Variants in ZSCAN18 observed in about 807,000 individuals in gnomAD.
The protein encoded by ZSCAN18 is zinc finger and SCAN domain containing 18, also known as zinc finger and SCAN domain-containing protein 18.
In ZSCAN18, 16 loss-of-function variants were observed where a neutral mutation model predicts 31.1. The ratio of observed to expected loss-of-function variants is 0.51; its 90% CI spans 0.35 to 0.78. The LOEUF (loss-of-function observed/expected upper bound fraction) is 0.78. Ranked by LOEUF, ZSCAN18 falls within the 30% of genes least tolerant of loss-of-function variation. ZSCAN18 has a pLI of 0.01. For missense variants in ZSCAN18, 731 were observed against 697.4 expected (o/e 1.05, Z -0.54); for synonymous variants, 375 against 320.7 (o/e 1.17, Z -1.81).
chr19:58,086,973 C>T lies in ZSCAN18; in HGVS notation c.678G>A (p.Leu226=). Residue 226 remains leucine (L), a synonymous_variant, in exon 5 of 7, where the codon CTG becomes CTA. Coordinates refer to ENST00000601144, the MANE Select transcript of ZSCAN18 (RefSeq NM_001145543.2). ...LKSFPEDPQH[L]GEWGHLDPAE... ...CAGGGTCCAGGTGGCCCCACTCCCC[C>T]AGGTGCTGAGGGTCCTCTGGAAAGG... The T allele has an allele frequency of 6.2e-7, 1 of 1,613,980 alleles. No homozygotes were observed. The highest frequency in any genetic ancestry group is 8.5e-7 in the Non-Finnish European group (1 of 1,179,986).
intron 1 of ZSCAN18, among the ~76,000 whole-genome samples, chr19:58,111,356 AT>A (rs1321360956): frequency 2.0e-5 from 3 of 151,788 alleles, no homozygotes; most frequent in Non-Finnish European, 4.4e-5. Context: ...CCCGAAAAAA[AT>A]TTTTTTTAAG....
chr19:58,095,444 C>T (rs1246556781), intron 1 of ZSCAN18, among the ~76,000 whole-genome samples: 1 of 152,282 alleles, frequency 6.6e-6, no homozygotes, highest in East Asian at 1.9e-4. Flanking sequence ...TGCAAAGTGA[C>T]GCTGCCACTC....
upstream of ZSCAN18, among the ~76,000 whole-genome samples, chr19:58,102,461 AAAACAAAC>A (rs75475027): frequency 5.0e-4 from 73 of 147,102 alleles, no homozygotes; most frequent in South Asian, 1.9e-3. Flanking sequence ...ACTCCATCTC[AAAACAAAC>A]AAACAAACAA....
intron 1 of ZSCAN18, among the ~76,000 whole-genome samples, chr19:58,094,373 T>C (rs184778880): frequency 0.018 from 2,735 of 150,254 alleles, 83 homozygotes; most frequent in African/African-American, 0.063. Flanking sequence ...ATCGCGCCAC[T>C]GCACTCCAGC....
At chr19:58,108,290 G>A in intron 1 of ZSCAN18, 1 of 985,460 alleles carries the variant, frequency 1.0e-6, no homozygotes, top group Non-Finnish European at 1.2e-6. Context: ...TTCTCAGATG[G>A]ACAATAAGGT....
rs962016439 is a variant in ZSCAN18, at chr19:58,118,293, G to A, written c.104C>T (p.Pro35Leu). 6.0e-6 allele frequency: 9 copies of A among 1,505,522 alleles called. No homozygotes were observed. The African/African-American group carries it at 8.6e-5, about 14-fold the overall frequency. 93.3% of individuals were successfully genotyped at this position (1,505,522 alleles called of 1,614,324 possible). ...CTCACTAGGCCTTGGCTCCGCGACC[G>A]GTGGGCGGGAACGGAGGAAACAGAC... is the stretch of plus-strand genomic sequence containing the variant. The change falls in exon 1 of 2, where the codon CCG becomes CTG. Residue 35 changes from proline (P) to leucine (L), a missense_variant. Coordinates refer to the ZSCAN18 transcript ENST00000595721.
At chr19:58,108,125 A>G (rs1406016776) in intron 1 of ZSCAN18, 7 of 987,910 alleles carry the variant, frequency 7.1e-6, no homozygotes, top group Admixed American at 6.1e-5. Context: ...TTTTGATGCA[A>G]AAGAGCTGAC....
chr19:58,117,891 G>C (rs957512270), intron 1 of ZSCAN18, among the ~76,000 whole-genome samples: 3 of 152,108 alleles, frequency 2.0e-5, no homozygotes, highest in Non-Finnish European at 2.9e-5. Flanking sequence ...AGGGCGAAGG[G>C]AGAGGAAATT....
chr19:58,116,871 C>T (rs1014472177), intron 1 of ZSCAN18, among the ~76,000 whole-genome samples: 2 of 152,256 alleles, frequency 1.3e-5, no homozygotes, highest in Non-Finnish European at 2.9e-5. Flanking sequence ...GGTGATGTGG[C>T]TAAATTCTGG....
Position 58,084,925 on chromosome 19 carries a change from G to A in ZSCAN18, c.1293C>T (p.His431=), listed in dbSNP as rs187288596. 1,024 of 1,596,580 alleles carry A rather than the reference G, an allele frequency of 6.4e-4. 6 individuals are homozygous for A. The highest frequency in any genetic ancestry group is 6.0e-3 in the Middle Eastern group (36 of 6,038). Residue 431 remains histidine (H), a synonymous_variant, in exon 7 of 7, where the codon CAC becomes CAT. Transcript: ENST00000601144. The surrounding 1 kb of genome is among the most constrained non-coding windows in gnomAD (Gnocchi z 4.5). ...AFAWLSHLME[H]HSSHGGRKRY... ...GCTTCCGGCCGCCATGGCTGCTGTGGTGCTCCATCAGGTGCGAGAGCCACG... is the reference window on the plus strand; with the variant it reads ...GCTTCCGGCCGCCATGGCTGCTGTGATGCTCCATCAGGTGCGAGAGCCACG...
At chr19:58,091,402 C>CG (rs1051041680) in intron 1 of ZSCAN18, among the ~76,000 whole-genome samples, 16 of 152,044 alleles carry the variant, frequency 1.1e-4, no homozygotes, top group African/African-American at 3.9e-4. Flanking sequence ...GCGTAGGGAG[C>CG]GGGGGGCTCC....
chr19:58,108,883 T>G, intron 1 of ZSCAN18: 1 of 1,010,504 alleles, frequency 9.9e-7, no homozygotes, highest in Non-Finnish European at 1.2e-6. Flanking sequence ...GTGGCTAGGT[T>G]GTCCACCCTG....
intron 1 of ZSCAN18, among the ~76,000 whole-genome samples, chr19:58,104,298 GA>G (rs745448688): frequency 2.6e-5 from 4 of 152,232 alleles, no homozygotes; most frequent in African/African-American, 9.6e-5. Context: ...AGAATTGCTT[GA>G]ACCTGGGAGG....
In ZSCAN18 at chr19:58,086,245, T is replaced by A. The variant is rs1465959829; in HGVS notation, c.767A>T (p.Asp256Val). The change falls in exon 6 of 7, where the codon GAC (aspartate) becomes GTC (valine). Residue 256 changes from aspartate to valine, a missense_variant. Coordinates refer to ENST00000601144, the MANE Select transcript of ZSCAN18 (RefSeq NM_001145543.2). ...CTCAGTGTCCAGCCTGGAGGCAGCGTCAGGCTGGGAAAGCTGATACCCTGA... is the reference window on the plus strand; with the variant it reads ...CTCAGTGTCCAGCCTGGAGGCAGCGACAGGCTGGGAAAGCTGATACCCTGA... ...LLWGYQLSQPDAASRLDTEEL... is the reference protein window; with the variant it reads ...LLWGYQLSQPVAASRLDTEEL... 1 of 1,613,752 alleles carries A rather than the reference T, an allele frequency of 6.2e-7. No homozygotes were observed. The highest frequency in any genetic ancestry group is 1.3e-5 in the African/African-American group (1 of 74,914).
At chr19:58,097,908 G>T (rs1016103571) in intron 1 of ZSCAN18, 1 of 983,726 alleles carries the variant, frequency 1.0e-6, no homozygotes, top group Non-Finnish European at 1.2e-6. Context: ...TACACGGGGT[G>T]GGGGTTGCAC....
chr19:58,096,500 G>A (rs2146005341), intron 1 of ZSCAN18, among the ~76,000 whole-genome samples: 1 of 152,362 alleles, frequency 6.6e-6, no homozygotes, highest in East Asian at 1.9e-4. Context: ...CACGGTGGGT[G>A]AGGGGTGGCT....
rs2074210770 is a variant in ZSCAN18 at position 58,084,103 on chromosome 19, G to T, written c.*582C>A. 6.6e-6 allele frequency: 1 copy of T among 152,176 alleles called. No homozygotes were observed. The highest frequency in any genetic ancestry group is 2.4e-5 in the African/African-American group (1 of 41,414). The allele number at this position is 152,176 out of a possible 1,614,324, so 9.4% of individuals were successfully genotyped here. A position where few individuals can be genotyped will look rare whatever the true frequency, so the allele number is the denominator to read the frequency against. ...ATTTCCCATTTTACTAAATGGGCTG[G>T]GACCCACGGTCTGAAAACCCTGCCT... On this transcript the variant is annotated 3_prime_UTR_variant, in exon 7 of 7. Transcript: ENST00000601144. This position sits in a 1 kb window ranked among gnomAD's most constrained non-coding sequence, Gnocchi z 4.5.
chr19:58,109,856 C>T lies in ZSCAN18; in HGVS notation c.130+8411G>A, dbSNP rs570853066. On this transcript the variant is annotated intron_variant, in intron 1 of 1. Transcript: ENST00000595721. The stretch of plus-strand genomic sequence containing the variant: ...AGATTTTTTTTCAGTTATACACCTG[C>T]ATGGTAGGAAGAGAATATAAAGATG... Among the ~76,000 whole-genome samples the T allele has an allele frequency of 7.1e-4, 108 of 152,016 alleles. 3 individuals are homozygous for T. The South Asian group carries it at 0.022, about 32-fold the overall frequency.
chr19:58,084,959 T>C lies in ZSCAN18; in HGVS notation c.1259A>G (p.Glu420Gly). ...CAGGTGCGAGAGCCACGCGAAGGCC[T>C]CCCCGCACTCGCCGCAGGCATAGGG... ...GKPYACGECG[E>G]AFAWLSHLME... Residue 420 changes from glutamate to glycine, a missense_variant, in exon 7 of 7, where the codon GAG becomes GGG. Glu to Gly is a moderately conservative substitution (Grantham distance 98). Around this residue, in one of 4 missense-constraint regions of ZSCAN18, gnomAD observed 597 missense variants for 499.5 expected, o/e 1.20. Coordinates refer to ENST00000601144, the MANE Select transcript of ZSCAN18 (RefSeq NM_001145543.2). This position sits in a 1 kb window ranked among gnomAD's most constrained non-coding sequence, Gnocchi z 4.5. The C allele has an allele frequency of 6.3e-7, 1 of 1,599,050 alleles. No homozygotes were observed. Among genetic ancestry groups the C allele is most frequent in the Non-Finnish European group, 8.5e-7 (1 of 1,174,924 alleles).
Sources: allele counts gnomAD v4.1 joint callset (sites outside exome capture counted in the v4.1 genomes callset), GRCh38; gene constraint gnomAD v4.1.1; regional missense constraint gnomAD v4.1.1; non-coding constraint Gnocchi (gnomAD v3.1); transcripts MANE v1.5; gene names NCBI Gene and HGNC (gene_info 2026-07-23, HGNC 2026-07-21).